GPHN: variants seen among roughly 807,000 people sequenced by gnomAD.
GPHN encodes the protein gephyrin.
A neutral mutation model predicts 95.5 loss-of-function variants in GPHN; 17 were observed. The observed-to-expected ratio is 0.18, with a 90% CI of 0.12 to 0.27. The LOEUF is 0.27. GPHN is among the 10% of genes least tolerant of loss of function. The pLI is 1.00. For synonymous variants in GPHN, 320 were observed against 322.5 expected, an observed-to-expected ratio of 0.99 and a Z score of 0.08; for missense variants, 660 against 978.1, an observed-to-expected ratio of 0.67 and a Z score of 4.34.
At chr14:66,567,679 G>A (rs2060516586) in intron 1 of GPHN, among the ~76,000 whole-genome samples, 1 of 152,110 alleles carries the variant, frequency 6.6e-6, no homozygotes. Context: ...TTACCAGTCT[G>A]GGTTATAGGT....
chr14:67,367,345 C>T, the GPHN span, among the ~76,000 whole-genome samples: 4 of 152,210 alleles, frequency 2.6e-5, no homozygotes, highest in Admixed American at 6.5e-5. Flanking sequence ...ATTCTCCTGT[C>T]TCAGCCTCCA....
chr14:67,722,502 GCT>G, the GPHN span: 1 of 788,108 alleles, frequency 1.3e-6, no homozygotes, highest in Non-Finnish European at 2.3e-6. Context: ...GAGTCAGGCT[GCT>G]GCTCAGCACC....
chr14:67,309,838 T>C, the GPHN span, among the ~76,000 whole-genome samples: 1 of 152,138 alleles, frequency 6.6e-6, no homozygotes, highest in Non-Finnish European at 1.5e-5. Flanking sequence ...AAAAACACTT[T>C]GAAAAACAAC....
chr14:66,838,008 T>C (rs1463622946), intron 4 of GPHN, among the ~76,000 whole-genome samples: 5 of 152,134 alleles, frequency 3.3e-5, no homozygotes, highest in Non-Finnish European at 7.4e-5. Context: ...TAACCTTTTA[T>C]GGAGTAGCAT....
At chr14:67,586,092 C>G in the GPHN span, 1 of 1,613,884 alleles carries the variant, frequency 6.2e-7, no homozygotes, top group East Asian at 2.2e-5. Context: ...GATGGCTGCT[C>G]CCAAGGTAGG....
the GPHN span, chr14:67,587,449 C>A: frequency 1.7e-6 from 1 of 597,486 alleles, no homozygotes; most frequent in Non-Finnish European, 3.0e-6. Flanking sequence ...GTGTTAAAAC[C>A]ATTTATTCCT....
the GPHN span, among the ~76,000 whole-genome samples, chr14:67,366,717 C>G: frequency 5.3e-5 from 8 of 152,126 alleles, no homozygotes; most frequent in Admixed American, 5.2e-4. Flanking sequence ...CCTAGACAAG[C>G]CTTTCAACGT....
intron 1 of GPHN, among the ~76,000 whole-genome samples, chr14:66,540,086 T>C (rs1308573834): frequency 6.6e-6 from 1 of 152,216 alleles, no homozygotes. Flanking sequence ...TTTCAGCAGC[T>C]CACAACAACA....
the GPHN span, chr14:67,581,143 CACAGATATA>C: frequency 1.4e-6 from 1 of 733,910 alleles, no homozygotes; most frequent in Non-Finnish European, 2.4e-6. Flanking sequence ...GGGAGGGACC[CACAGATATA>C]ACACTGCCTG....
At chr14:67,218,122 G>T in the GPHN span, among the ~76,000 whole-genome samples, 1 of 152,180 alleles carries the variant, frequency 6.6e-6, no homozygotes, top group Non-Finnish European at 1.5e-5. Flanking sequence ...AGGCTCACCA[G>T]GCTGTTTCTC....
downstream of GPHN, among the ~76,000 whole-genome samples, chr14:67,183,831 C>T (rs1333930916): frequency 4.0e-5 from 6 of 149,998 alleles, no homozygotes; most frequent in Non-Finnish European, 7.4e-5. Flanking sequence ...CGTGAGCCAC[C>T]GTGCCCCACA....
the GPHN span, chr14:67,198,144 T>C: frequency 6.2e-7 from 1 of 1,600,138 alleles, no homozygotes. Flanking sequence ...AGTTTTTTTA[T>C]GTTTATGTGC....
At chr14:67,716,714 T>G in the GPHN span, among the ~76,000 whole-genome samples, 2 of 152,056 alleles carry the variant, frequency 1.3e-5, no homozygotes, top group African/African-American at 4.8e-5. Flanking sequence ...TGAAACCCCA[T>G]CTCTACTGAA....
intron 4 of GPHN, among the ~76,000 whole-genome samples, chr14:66,853,518 T>C (rs1356674400): frequency 1.3e-5 from 2 of 152,118 alleles, no homozygotes; most frequent in Non-Finnish European, 2.9e-5. Context: ...TGAAGACGAA[T>C]GAGGAGTCAT....
chr14:67,553,052 C>A, the GPHN span, among the ~76,000 whole-genome samples: 1 of 152,226 alleles, frequency 6.6e-6, no homozygotes, highest in African/African-American at 2.4e-5. Context: ...GAAATGCCTC[C>A]ATGAGAGGTA....
At chr14:67,169,342 C>G (rs985442297) in intron 21 of GPHN, among the ~76,000 whole-genome samples, 7 of 152,168 alleles carry the variant, frequency 4.6e-5, no homozygotes, top group Non-Finnish European at 8.8e-5. Context: ...TGGCTCTACC[C>G]TAACACTAGA....
intron 8 of GPHN, among the ~76,000 whole-genome samples, chr14:66,958,580 C>A (rs994375889): frequency 6.6e-6 from 1 of 152,134 alleles, no homozygotes; most frequent in African/African-American, 2.4e-5. Context: ...AGGCTGCAAA[C>A]CTGTACAGCA....
At chr14:66,735,635 C>T (rs1187105576) in intron 2 of GPHN, among the ~76,000 whole-genome samples, 1 of 152,080 alleles carries the variant, frequency 6.6e-6, no homozygotes, top group Non-Finnish European at 1.5e-5. Flanking sequence ...GCCATGAAAA[C>T]ATTATTGAGA....
the GPHN span, among the ~76,000 whole-genome samples, chr14:67,413,041 G>T: frequency 6.6e-6 from 1 of 152,168 alleles, no homozygotes; most frequent in Admixed American, 6.5e-5. Flanking sequence ...GGGATTACAG[G>T]CAAGAGCCAC....
Sources: gnomAD v4.1 joint callset for allele counts (sites outside exome capture counted in the v4.1 genomes callset) on GRCh38, gnomAD v4.1.1 for gene constraint, MANE v1.5 for transcripts, NCBI Gene and HGNC (gene_info 2026-07-23, HGNC 2026-07-21) for gene names.